The following VPS13C variants were observed in gnomAD, a reference collection of about 807,000 sequenced individuals.
The protein encoded by VPS13C is vacuolar protein sorting 13 homolog C, also known as intermembrane lipid transfer protein VPS13C.
Under a neutral mutation model 456.8 loss-of-function variants are expected in VPS13C, and 358 were observed. That is an observed-to-expected ratio of 0.78 (90% CI 0.72 to 0.86). VPS13C has a LOEUF of 0.86. Ranked by LOEUF, VPS13C falls within the 40% of genes least tolerant of loss-of-function variation. VPS13C has a pLI of 0.00. For missense variants in VPS13C, 4,818 were observed against 4,385.4 expected (o/e 1.10, Z -2.79); for synonymous variants, 1,578 against 1,486.7 (o/e 1.06, Z -1.41).
chr15:61,981,954 T>G (rs1056502979), intron 21 of VPS13C, among the ~76,000 whole-genome samples: 1 of 152,136 alleles, frequency 6.6e-6, no homozygotes, highest in Admixed American at 6.5e-5. Context: ...CAATTCAGCA[T>G]GTAAGGTGAA....
chr15:61,910,881 A>G (rs4775451), intron 63 of VPS13C, among the ~76,000 whole-genome samples: 81,777 of 151,854 alleles, frequency 0.54, 22,309 homozygotes, highest in Admixed American at 0.62. Context: ...TAGAATACTA[A>G]GTAAATTCTA....
chr15:62,060,428 AG>A lies in VPS13C; in HGVS notation c.-55del. The A allele has an allele frequency of 1.1e-6, 1 of 935,476 alleles. No individual in the cohort carries two copies. 57.9% of individuals were successfully genotyped at this position (935,476 alleles called of 1,614,324 possible). A position where few individuals can be genotyped will look rare whatever the true frequency, so the allele number is the denominator to read the frequency against. ...GAGCCGGAACCGCCCGGCGCAGCTG[AG>A]GGCTGCGACCAGCGCTGCAAATGAC... On this transcript the variant is annotated 5_prime_UTR_variant, in exon 1 of 85. Coordinates refer to ENST00000644861, the MANE Select transcript of VPS13C (RefSeq NM_020821.3).
At position 61,867,208 on chromosome 15, in the gene VPS13C, A is replaced by G; in HGVS notation, c.10863+1451T>C. The G allele has an allele frequency of 2.0e-6, 2 of 982,706 alleles. No individual in the cohort carries two copies. The highest frequency in any genetic ancestry group is 2.4e-6 in the Non-Finnish European group (2 of 827,430). 60.9% of individuals were successfully genotyped at this position (982,706 alleles called of 1,614,324 possible). ...TCTACATTAATTAAAACTAATAATT[A>G]TGAAATAAGCATAACCAACAAGGAG... is the stretch of plus-strand genomic sequence containing the variant. On this transcript the variant is annotated intron_variant, in intron 81 of 84. Coordinates refer to ENST00000644861, the MANE Select transcript of VPS13C (RefSeq NM_020821.3). This position sits in a 1 kb window ranked among gnomAD's most constrained non-coding sequence, Gnocchi z 5.0.
chr15:61,886,978 T>C (rs945491928), intron 67 of VPS13C, among the ~76,000 whole-genome samples: 1 of 152,186 alleles, frequency 6.6e-6, no homozygotes, highest in Non-Finnish European at 1.5e-5. Context: ...AACCAGATGC[T>C]TTCCCACCAG....
chr15:61,992,928 C>G (rs71411475), intron 16 of VPS13C, among the ~76,000 whole-genome samples: 3,944 of 152,012 alleles, frequency 0.026, 64 homozygotes, highest in Non-Finnish European at 0.034. Context: ...TTCAGAACCA[C>G]TGAGATGACA....
chr15:61,889,467 T>C (rs1465878813), intron 67 of VPS13C, among the ~76,000 whole-genome samples: 1 of 152,182 alleles, frequency 6.6e-6, no homozygotes, highest in Non-Finnish European at 1.5e-5. Flanking sequence ...TGCTTCTTGA[T>C]AGATCCTATC....
chr15:61,967,661 TTTA>T (rs1266172134), intron 28 of VPS13C, among the ~76,000 whole-genome samples: 1 of 152,056 alleles, frequency 6.6e-6, no homozygotes, highest in South Asian at 2.1e-4. Flanking sequence ...AACATGCATA[TTTA>T]TTTTCACCTG....
chr15:61,903,912 A>T (rs551173119), intron 66 of VPS13C, among the ~76,000 whole-genome samples: 1 of 152,320 alleles, frequency 6.6e-6, no homozygotes, highest in East Asian at 1.9e-4. Flanking sequence ...GGTGCTGGGA[A>T]AACTGGATAA....
chr15:62,019,176 T>C (rs1182552493), intron 9 of VPS13C, among the ~76,000 whole-genome samples: 1 of 152,196 alleles, frequency 6.6e-6, no homozygotes, highest in Non-Finnish European at 1.5e-5. Context: ...GATTCTTCTC[T>C]CTTTTCTCCT....
At chr15:61,988,564 T>G (rs2140411988) in intron 18 of VPS13C, among the ~76,000 whole-genome samples, 1 of 152,288 alleles carries the variant, frequency 6.6e-6, no homozygotes, top group African/African-American at 2.4e-5. Flanking sequence ...AATGAAAATC[T>G]CAAGTTTTTA....
At chr15:62,004,771 G>A (rs1383528328) in intron 15 of VPS13C, among the ~76,000 whole-genome samples, 1 of 149,904 alleles carries the variant, frequency 6.7e-6, no homozygotes, top group African/African-American at 2.4e-5. Context: ...CCTTCATTTC[G>A]TTATGTACCC....
chr15:62,022,417 T>A (rs1299518235), intron 8 of VPS13C, among the ~76,000 whole-genome samples: 1 of 151,908 alleles, frequency 6.6e-6, no homozygotes, highest in Non-Finnish European at 1.5e-5. Flanking sequence ...TTTCTCGACA[T>A]AGGATTTTAA....
rs117135216 is a variant in VPS13C, at chr15:61,862,268, G to T, written c.10952+1172C>A. 3.3e-5 allele frequency among the ~76,000 whole-genome samples: 5 copies of T among 152,190 alleles called. No individual in the cohort carries two copies. In the East Asian group the frequency reaches 9.6e-4, roughly 29 times the overall value. On this transcript the variant is annotated intron_variant, in intron 82 of 84. Coordinates refer to ENST00000644861, the MANE Select transcript of VPS13C (RefSeq NM_020821.3). ...CTAAGTCATAGTATTTACTGGTCAG[G>T]TATATTTTACTAATTACCTCCTAAA...
At position 61,881,593 on chromosome 15, in the gene VPS13C, A is replaced by T; in HGVS notation, c.9746T>A (p.Phe3249Tyr). The T allele has an allele frequency of 6.2e-7, 1 of 1,612,572 alleles. No individual in the cohort carries two copies. ...PFIDVSVITR[F>Y]NEYSKVLQFK... ...CTGTAAGACTTTACTGTACTCATTA[A>T]ATCTTGTGATGACACTCACATCAAT... is the stretch of plus-strand genomic sequence containing the variant. Residue 3249 changes from phenylalanine (F) to tyrosine (Y), a missense_variant, in exon 71 of 85, where the codon TTT becomes TAT. Physicochemically the swap from Phe to Tyr is conservative, Grantham distance 22 (BLOSUM62 3). This residue lies in a region of VPS13C where 4,552 missense variants were observed against 4,130.6 expected (regional missense o/e 1.10). Transcript: ENST00000644861.
rs954282163 is a variant in VPS13C, at chr15:61,853,196, T to C, written c.*1261A>G. On this transcript the variant is annotated 3_prime_UTR_variant, in exon 85 of 85. Coordinates refer to ENST00000644861, the MANE Select transcript of VPS13C (RefSeq NM_020821.3). ...TGTCATTATATATGCCTTATTTATA[T>C]ATAAAACAACCAAAGAATTTTCATT... 3.3e-5 allele frequency: 5 copies of C among 152,204 alleles called. No homozygotes were observed. Among genetic ancestry groups the C allele is most frequent in the Non-Finnish European group, 7.4e-5 (5 of 68,022 alleles). 9.4% of individuals were successfully genotyped at this position (152,204 alleles called of 1,614,324 possible).
At chr15:62,013,775 G>A (rs574686909) in intron 10 of VPS13C, among the ~76,000 whole-genome samples, 158 bp downstream of exon 10, 1 of 152,086 alleles carries the variant, frequency 6.6e-6, no homozygotes, top group South Asian at 2.1e-4. Context: ...ACTGGTAAGT[G>A]ATTACAGAGG....
At chr15:62,002,125 A>T (rs140246476) in intron 15 of VPS13C, among the ~76,000 whole-genome samples, 1 of 152,166 alleles carries the variant, frequency 6.6e-6, no homozygotes, top group Admixed American at 6.5e-5. Flanking sequence ...ACTAGTTTAC[A>T]GTCCCACCAA....
rs1894034965 is a variant in VPS13C, at chr15:61,858,324, AT to A, written c.10953-1916del. On this transcript the variant is annotated intron_variant, in intron 82 of 84. Coordinates refer to ENST00000644861, the MANE Select transcript of VPS13C (RefSeq NM_020821.3). The surrounding 1 kb of genome is among the most constrained non-coding windows in gnomAD (Gnocchi z 4.4). ...ATTTTTATCCAAACTCCAACTATCT[AT>A]CTATCTATCTATCTATCTATCTATC... Among the ~76,000 whole-genome samples the A allele has an allele frequency of 1.5e-5, 1 of 65,358 alleles. No individual in the cohort carries two copies. Among genetic ancestry groups the A allele is most frequent in the South Asian group, 5.3e-4 (1 of 1,876 alleles). 42.9% of individuals were successfully genotyped at this position (65,358 alleles called of 152,430 possible).
In VPS13C at chr15:61,996,996, TAC is replaced by T. The variant is rs199562440; in HGVS notation, c.1353+3566_1353+3567del. Among the ~76,000 whole-genome samples the T allele has an allele frequency of 1.8e-3, 266 of 147,044 alleles. 3 individuals are homozygous for T. The highest frequency in any genetic ancestry group is 6.3e-3 in the African/African-American group (252 of 40,138). ...TCCTTGCCTATATATTTTACATACA[TAC>T]ATATATATATATATGTATAGAATAT... is the stretch of plus-strand genomic sequence containing the variant. On this transcript the variant is annotated intron_variant, in intron 16 of 84. Transcript: ENST00000644861.
Sources: gnomAD v4.1 joint callset for allele counts (sites outside exome capture counted in the v4.1 genomes callset) on GRCh38, gnomAD v4.1.1 for gene constraint, gnomAD v4.1.1 regional missense constraint, Gnocchi (gnomAD v3.1) non-coding constraint, MANE v1.5 for transcripts, NCBI Gene and HGNC (gene_info 2026-07-23, HGNC 2026-07-21) for gene names.